The following WDR86 variants were observed in gnomAD, a reference collection of about 807,000 sequenced individuals.
The protein encoded by WDR86 is WD repeat-containing protein 86.
Under a neutral mutation model 36.5 loss-of-function variants are expected in WDR86, and 30 were observed. The observed-to-expected ratio is 0.82, with a 90% CI of 0.61 to 1.11. WDR86 has a LOEUF of 1.11. Among genes scored for constraint, WDR86 ranks in the 50% most tolerant of loss-of-function variants. The pLI is 0.00. For synonymous variants in WDR86, 255 were observed against 252.9 expected, an observed-to-expected ratio of 1.01 and a Z score of -0.08; for missense variants, 545 against 561.2, an observed-to-expected ratio of 0.97 and a Z score of 0.29.
At chr7:151,376,127 C>G (rs562050061), downstream of WDR86, 35 of 564,556 alleles carry the variant, frequency 6.2e-5, no homozygotes, top group South Asian at 6.4e-4. Context: ...GGGAGGCCTC[C>G]TTGGAAAGCA....
At chr7:151,393,351 C>T (rs1286601369) in intron 3 of WDR86, among the ~76,000 whole-genome samples, 1 of 152,158 alleles carries the variant, frequency 6.6e-6, no homozygotes, top group Non-Finnish European at 1.5e-5. Context: ...CTCCTTTAGC[C>T]TTCCTGACTC....
chr7:151,370,028 C>T, the WDR86 span, among the ~76,000 whole-genome samples: 2,098 of 152,106 alleles, frequency 0.014, 45 homozygotes, highest in African/African-American at 0.048. Context: ...CTAGTCCAAT[C>T]GTGGTCCTTT....
downstream of WDR86, chr7:151,381,015 T>G: frequency 2.1e-6 from 1 of 477,060 alleles, no homozygotes; most frequent in Non-Finnish European, 2.9e-6. The surrounding 1 kb of genome is among the most constrained non-coding windows in gnomAD (Gnocchi z 4.8). Flanking sequence ...CCCAGGCCGG[T>G]TGTGAGAGGC....
At chr7:151,408,260 G>T (rs896131717) in intron 1 of WDR86, among the ~76,000 whole-genome samples, 1 of 145,818 alleles carries the variant, frequency 6.9e-6, no homozygotes, top group African/African-American at 2.6e-5. Context: ...GCAGTGGCAC[G>T]ATCTTGGCTC....
intron 3 of WDR86, among the ~76,000 whole-genome samples, chr7:151,391,887 C>T (rs916234900): frequency 1.3e-5 from 2 of 152,128 alleles, no homozygotes; most frequent in African/African-American, 2.4e-5. Context: ...TCATCCCACC[C>T]GTCCTGGGCG....
chr7:151,384,979 G>T, intron 4 of WDR86, 109 bp downstream of exon 4: 1 of 1,239,922 alleles, frequency 8.1e-7, no homozygotes, highest in Non-Finnish European at 1.1e-6. Context: ...ATTGGACGCT[G>T]ATGATTGGCA....
In WDR86 at chr7:151,383,027, G is replaced by A. The variant is rs560479935; in HGVS notation, c.863-1046C>T. Among the ~76,000 whole-genome samples the A allele has an allele frequency of 1.9e-4, 28 of 150,428 alleles. 1 individual carries two copies. The Middle Eastern group carries it at 0.014, about 74-fold the overall frequency. On this transcript the variant is annotated intron_variant, in intron 4 of 5. Coordinates refer to ENST00000334493, the MANE Select transcript of WDR86 (RefSeq NM_198285.3). The stretch of plus-strand genomic sequence containing the variant: ...GGAGACAGGGTCTCACTCTGTTGCC[G>A]AGGCTGGAGTGCAGTGGTACCATCT...
downstream of WDR86, among the ~76,000 whole-genome samples, chr7:151,373,055 T>G (rs1257107129): frequency 6.6e-6 from 1 of 152,116 alleles, no homozygotes; most frequent in Non-Finnish European, 1.5e-5. Flanking sequence ...GCTTTTGTTT[T>G]CCTAAGAGAT....
At position 151,401,385 on chromosome 7, in the gene WDR86, C is replaced by T. The variant is rs780436067; in HGVS notation, c.164-1144G>A. Reference sequence around the variant, plus strand: ...CTGCACCCTAAACCCTCTGTTTCCTCAGCTTCCACTCTTGCCTTCCTCCCT... The same window carrying T: ...CTGCACCCTAAACCCTCTGTTTCCTTAGCTTCCACTCTTGCCTTCCTCCCT... On this transcript the variant is annotated intron_variant, in intron 1 of 5. Transcript: ENST00000334493. This position sits in a 1 kb window ranked among gnomAD's most constrained non-coding sequence, Gnocchi z 4.3. Among the ~76,000 whole-genome samples, 3 of 152,240 alleles carry T rather than the reference C, an allele frequency of 2.0e-5. No homozygotes were observed. The highest frequency in any genetic ancestry group is 4.4e-5 in the Non-Finnish European group (3 of 68,044).
In WDR86 at chr7:151,409,850, G is replaced by C; in HGVS notation, c.-261C>G. ...GCCCTGGGTAGAGTCCTGGGCGCGCGGGCAGAGAGAACCCCCTTCCCAGCA... is the reference window on the plus strand; with the variant it reads ...GCCCTGGGTAGAGTCCTGGGCGCGCCGGCAGAGAGAACCCCCTTCCCAGCA... On this transcript the variant is annotated 5_prime_UTR_variant, in exon 1 of 6. Coordinates refer to ENST00000334493, the MANE Select transcript of WDR86 (RefSeq NM_198285.3). This position sits in a 1 kb window ranked among gnomAD's most constrained non-coding sequence, Gnocchi z 5.2. The C allele has an allele frequency of 8.2e-7, 1 of 1,216,560 alleles. No individual in the cohort carries two copies. Among genetic ancestry groups the C allele is most frequent in the African/African-American group, 1.6e-5 (1 of 63,624 alleles). 75.4% of individuals were successfully genotyped at this position (1,216,560 alleles called of 1,614,324 possible). A position where few individuals can be genotyped will look rare whatever the true frequency, so the allele number is the denominator to read the frequency against.
chr7:151,399,922 C>T (rs1214586669), intron 2 of WDR86, among the ~76,000 whole-genome samples, 178 bp downstream of exon 2: 2 of 152,248 alleles, frequency 1.3e-5, no homozygotes, highest in African/African-American at 4.8e-5. Context: ...GCACTGAGCT[C>T]GCTGCCTGTC....
At chr7:151,402,070 A>AATATATATATATATATATATATAT (rs748373598) in intron 1 of WDR86, among the ~76,000 whole-genome samples, 33 of 50,464 alleles carry the variant, frequency 6.5e-4, no homozygotes, top group South Asian at 1.9e-3. Context: ...AAAAAAAAAA[A>AATATATATATATATATATATATAT]ATATATATAT....
At chr7:151,408,389 G>C (rs1800901599) in intron 1 of WDR86, among the ~76,000 whole-genome samples, 1 of 150,308 alleles carries the variant, frequency 6.7e-6, no homozygotes, top group Non-Finnish European at 1.5e-5. Context: ...TTAGACACAG[G>C]GTTTCATCAT....
At chr7:151,379,560 C>T (rs1216956784), downstream of WDR86, among the ~76,000 whole-genome samples, 2 of 152,194 alleles carry the variant, frequency 1.3e-5, no homozygotes, top group East Asian at 1.9e-4. Context: ...TCTCACTCAC[C>T]GTGTCTCTCA....
At position 151,381,522 on chromosome 7, in the gene WDR86, G is replaced by A; in HGVS notation, c.*60C>T. On this transcript the variant is annotated 3_prime_UTR_variant, in exon 6 of 6. Transcript: ENST00000334493. The surrounding 1 kb of genome is among the most constrained non-coding windows in gnomAD (Gnocchi z 4.8). ...CGGGCGCCACCACCGCGGGTAGCAG[G>A]GCGGGGCGCTCTGGGAGCCGCTGGG... is the stretch of plus-strand genomic sequence containing the variant. 7.0e-7 allele frequency: 1 copy of A among 1,420,050 alleles called. No individual in the cohort carries two copies. The highest frequency in any genetic ancestry group is 9.1e-7 in the Non-Finnish European group (1 of 1,098,698). 88.0% of individuals were successfully genotyped at this position (1,420,050 alleles called of 1,614,324 possible). A position where few individuals can be genotyped will look rare whatever the true frequency, so the allele number is the denominator to read the frequency against.
chr7:151,382,047 G>T, intron 4 of WDR86, 66 bp from the exon 5 acceptor site: 1 of 1,452,020 alleles, frequency 6.9e-7, no homozygotes, highest in Non-Finnish European at 9.4e-7. Flanking sequence ...GGGATGGGGC[G>T]GCGAGAGCGT....
intron 1 of WDR86, among the ~76,000 whole-genome samples, chr7:151,402,534 A>G (rs2150854995): frequency 6.6e-6 from 1 of 152,334 alleles, no homozygotes; most frequent in East Asian, 1.9e-4. Flanking sequence ...TCGGGAGAGA[A>G]GCCTGAGCAC....
chr7:151,383,490 AAATGTT>A (rs1183561579), intron 4 of WDR86, among the ~76,000 whole-genome samples: 3 of 150,192 alleles, frequency 2.0e-5, no homozygotes, highest in African/African-American at 7.5e-5. Context: ...AAAAAAAAAA[AAATGTT>A]TGTAGAGACA....
downstream of WDR86, chr7:151,376,212 C>G (rs998513432): frequency 3.1e-5 from 15 of 483,080 alleles, no homozygotes; most frequent in Non-Finnish European, 5.7e-5. Context: ...TTGCATCAGC[C>G]TCATTTCTCT....
Sources: allele counts gnomAD v4.1 joint callset (sites outside exome capture counted in the v4.1 genomes callset), GRCh38; gene constraint gnomAD v4.1.1; non-coding constraint Gnocchi (gnomAD v3.1); transcripts MANE v1.5; gene names NCBI Gene and HGNC (gene_info 2026-07-23, HGNC 2026-07-21).